The following ASIC2 variants were observed in gnomAD, a reference collection of about 807,000 sequenced individuals.
The protein encoded by ASIC2 is acid sensing ion channel subunit 2, also known as acid-sensing ion channel 2.
Under a neutral mutation model 57.3 loss-of-function variants are expected in ASIC2, and 25 were observed. That is an observed-to-expected ratio of 0.44 (90% CI 0.32 to 0.61). ASIC2 has a LOEUF of 0.61. ASIC2 is among the 20% of genes least tolerant of loss of function. The pLI, the probability that ASIC2 is intolerant of heterozygous loss-of-function variation, is 0.06. For synonymous variants in ASIC2, 319 were observed against 307.5 expected (o/e 1.04, Z -0.39); for missense variants, 641 against 738.1 (o/e 0.87, Z 1.52).
chr17:33,086,978 GC>G (rs1182457489), intron 3 of ASIC2, among the ~76,000 whole-genome samples: 1 of 151,956 alleles, frequency 6.6e-6, no homozygotes, highest in Non-Finnish European at 1.5e-5. Flanking sequence ...AAACACCCAG[GC>G]CCTCTCTATG....
At chr17:33,697,135 C>T (rs574631337) in intron 1 of ASIC2, among the ~76,000 whole-genome samples, 3 of 152,300 alleles carry the variant, frequency 2.0e-5, no homozygotes, top group East Asian at 3.9e-4. Context: ...TTGCCTTCCA[C>T]CATTATTGTA....
At chr17:33,934,430 A>T (rs1442930669) in intron 1 of ASIC2, among the ~76,000 whole-genome samples, 1 of 152,198 alleles carries the variant, frequency 6.6e-6, no homozygotes, top group African/African-American at 2.4e-5. Context: ...AATGAAGAAG[A>T]TATAGCCCCT....
chr17:33,645,331 C>A (rs1906706845), intron 1 of ASIC2, among the ~76,000 whole-genome samples: 1 of 152,176 alleles, frequency 6.6e-6, no homozygotes. Flanking sequence ...CTCCTTTCCC[C>A]ATTCCTTCTG....
intron 1 of ASIC2, among the ~76,000 whole-genome samples, chr17:33,728,244 C>T (rs1164019559): frequency 6.6e-6 from 1 of 152,080 alleles, no homozygotes; most frequent in Non-Finnish European, 1.5e-5. Flanking sequence ...GCTCCAGGGG[C>T]CCAAAGCCAA....
intron 1 of ASIC2, among the ~76,000 whole-genome samples, chr17:34,079,903 C>G (rs1354610474): frequency 6.6e-6 from 1 of 152,154 alleles, no homozygotes; most frequent in Non-Finnish European, 1.5e-5. Context: ...GACCTTCTAG[C>G]TCCATGCAAC....
At chr17:33,526,503 C>A (rs1383508179) in intron 1 of ASIC2, among the ~76,000 whole-genome samples, 2 of 152,152 alleles carry the variant, frequency 1.3e-5, no homozygotes, top group Non-Finnish European at 2.9e-5. Context: ...CAGATCCAGG[C>A]TCTTCTGCTT....
At chr17:33,291,161 C>G (rs938751745) in intron 1 of ASIC2, 1 of 724,640 alleles carries the variant, frequency 1.4e-6, no homozygotes, top group Non-Finnish European at 2.0e-6. Context: ...GGGGCTGACA[C>G]TGGAAGGAGG....
chr17:33,027,407 C>G (rs1201691335), intron 4 of ASIC2, among the ~76,000 whole-genome samples: 4 of 152,174 alleles, frequency 2.6e-5, no homozygotes, highest in Admixed American at 2.6e-4. Flanking sequence ...GAAATAACAG[C>G]TACTAAATAT....
At chr17:34,065,135 A>G (rs1909123616) in intron 1 of ASIC2, among the ~76,000 whole-genome samples, 2 of 152,246 alleles carry the variant, frequency 1.3e-5, no homozygotes, top group Admixed American at 6.5e-5. Flanking sequence ...CCAAATGCCC[A>G]TCAAACAAAG....
intron 1 of ASIC2, among the ~76,000 whole-genome samples, chr17:33,727,574 T>A (rs1280405809): frequency 2.6e-5 from 4 of 152,060 alleles, no homozygotes; most frequent in Admixed American, 1.3e-4. Context: ...TCTTTAAAAG[T>A]GTGTAGCACC....
In ASIC2 at chr17:33,725,908, G is replaced by C. The variant is rs549859218; in HGVS notation, c.555+430070C>G. Among the ~76,000 whole-genome samples the C allele has an allele frequency of 2.8e-4, 43 of 152,262 alleles. 2 individuals carry two copies. The highest frequency in any genetic ancestry group is 1.0e-3 in the African/African-American group (42 of 41,554). On this transcript the variant is annotated intron_variant, in intron 1 of 9. Transcript: ENST00000359872. Reference sequence around the variant, plus strand: ...AGGGCAGCACATCACCAGTGTTGCCGCTTCCTGGTCCAGGAGCCGACTCTG... The same window carrying C: ...AGGGCAGCACATCACCAGTGTTGCCCCTTCCTGGTCCAGGAGCCGACTCTG...
At position 34,156,643 on chromosome 17, in the gene ASIC2, G is replaced by T. The variant is rs1236058634; in HGVS notation, c.-111C>A. 3 of 1,154,904 alleles carry T rather than the reference G, an allele frequency of 2.6e-6. No homozygotes were observed. The highest frequency in any genetic ancestry group is 3.6e-6 in the Non-Finnish European group (3 of 834,812). 71.5% of individuals were successfully genotyped at this position (1,154,904 alleles called of 1,614,324 possible). ...TGACGTTCAGGGGAGAGAACGCAAGGCAAGCATCGCGCCAGATGCTGTGAG... is the reference window on the plus strand; with the variant it reads ...TGACGTTCAGGGGAGAGAACGCAAGTCAAGCATCGCGCCAGATGCTGTGAG... On this transcript the variant is annotated 5_prime_UTR_variant, in exon 1 of 10. Transcript: ENST00000359872. The surrounding 1 kb of genome is among the most constrained non-coding windows in gnomAD (Gnocchi z 4.4).
chr17:34,038,976 A>G (rs1907995681), intron 1 of ASIC2: 2 of 1,614,086 alleles, frequency 1.2e-6, no homozygotes, highest in Middle Eastern at 1.7e-4. Flanking sequence ...CGGACGTAGT[A>G]AAGTAGCCCA....
chr17:34,008,318 C>T (rs990162942), intron 1 of ASIC2, among the ~76,000 whole-genome samples: 7 of 152,148 alleles, frequency 4.6e-5, no homozygotes, highest in Non-Finnish European at 8.8e-5. Flanking sequence ...AGCCATGAAT[C>T]AGTCTCTTTT....
intron 1 of ASIC2, among the ~76,000 whole-genome samples, chr17:33,885,342 T>C (rs1914803804): frequency 6.6e-6 from 1 of 152,218 alleles, no homozygotes. Flanking sequence ...AAATGTGTGA[T>C]ACTAATAGAT....
At chr17:33,592,630 G>C (rs1904862063) in intron 1 of ASIC2, among the ~76,000 whole-genome samples, 1 of 152,240 alleles carries the variant, frequency 6.6e-6, no homozygotes. Flanking sequence ...TGTGTACGTG[G>C]TGAGTAAGCT....
intron 1 of ASIC2, among the ~76,000 whole-genome samples, chr17:33,704,402 A>C (rs1908801250): frequency 6.6e-6 from 1 of 152,148 alleles, no homozygotes; most frequent in South Asian, 2.1e-4. Flanking sequence ...ATGAATAATC[A>C]TGCATGACTC....
At chr17:33,949,192 T>C (rs1412731415) in intron 1 of ASIC2, among the ~76,000 whole-genome samples, 1 of 152,202 alleles carries the variant, frequency 6.6e-6, no homozygotes, top group African/African-American at 2.4e-5. Context: ...TGAGTTTTCT[T>C]CAGCGTAATA....
intron 1 of ASIC2, among the ~76,000 whole-genome samples, chr17:33,510,963 T>A (rs111237199): frequency 0.017 from 2,647 of 152,322 alleles, 80 homozygotes; most frequent in African/African-American, 0.06. Context: ...GTTGTCTGCA[T>A]CCCCACACTT....
Sources: allele counts gnomAD v4.1 joint callset (sites outside exome capture counted in the v4.1 genomes callset), GRCh38; gene constraint gnomAD v4.1.1; non-coding constraint Gnocchi (gnomAD v3.1); transcripts MANE v1.5; gene names NCBI Gene and HGNC (gene_info 2026-07-23, HGNC 2026-07-21).